Variants in CSMD3 observed in about 807,000 individuals in gnomAD.
CSMD3 encodes the protein CUB and sushi domain-containing protein 3.
A neutral mutation model predicts 435.2 loss-of-function variants in CSMD3; 177 were observed. The ratio of observed to expected loss-of-function variants is 0.41; its 90% CI spans 0.36 to 0.46. The LOEUF (loss-of-function observed/expected upper bound fraction) is 0.46. Among genes scored for constraint, CSMD3 ranks in the 20% least tolerant of loss-of-function variants. The pLI is 0.34. For missense variants in CSMD3, 4,265 were observed against 4,504.6 expected, an observed-to-expected ratio of 0.95 and a Z score of 1.52; for synonymous variants, 1,656 against 1,520.5, an observed-to-expected ratio of 1.09 and a Z score of -2.07.
At chr8:112,459,578 C>T (rs143357112) in intron 32 of CSMD3, among the ~76,000 whole-genome samples, 43 of 152,118 alleles carry the variant, frequency 2.8e-4, no homozygotes, top group Non-Finnish European at 5.4e-4. Context: ...CCCTTAAGTA[C>T]CAGGTGAATA....
intron 7 of CSMD3, among the ~76,000 whole-genome samples, chr8:112,974,052 A>G (rs899324850): frequency 3.9e-5 from 6 of 152,054 alleles, no homozygotes; most frequent in African/African-American, 1.4e-4. Context: ...GAAAGGTAAA[A>G]CAGGTATCAA....
intron 1 of CSMD3, among the ~76,000 whole-genome samples, chr8:113,346,977 T>C (rs1038245581): frequency 3.9e-5 from 6 of 152,192 alleles, no homozygotes; most frequent in East Asian, 3.9e-4. Context: ...ATGAAATTCA[T>C]CCAGAGTAAT....
chr8:112,864,578 G>C (rs774235769), intron 10 of CSMD3, among the ~76,000 whole-genome samples: 12 of 152,002 alleles, frequency 7.9e-5, no homozygotes, highest in Non-Finnish European at 1.2e-4. Flanking sequence ...AACAAAAATA[G>C]TTAGCAATTC....
At chr8:113,406,027 C>A (rs1347588238) in intron 1 of CSMD3, among the ~76,000 whole-genome samples, 2 of 151,680 alleles carry the variant, frequency 1.3e-5, no homozygotes, top group Non-Finnish European at 3.0e-5. Flanking sequence ...CCTGATAAAT[C>A]ATAAGGATAA....
chr8:112,720,166 T>C (rs2076826209), intron 13 of CSMD3, among the ~76,000 whole-genome samples: 1 of 152,164 alleles, frequency 6.6e-6, no homozygotes, highest in East Asian at 1.9e-4. Context: ...AAAGGTACAT[T>C]CATTTGGTAG....
At chr8:112,558,790 AC>A (rs1189767167) in intron 24 of CSMD3, among the ~76,000 whole-genome samples, 27 of 152,030 alleles carry the variant, frequency 1.8e-4, no homozygotes, top group Admixed American at 3.3e-4. Context: ...TAAAATTAAG[AC>A]AAAATATGTG....
At chr8:113,313,753 A>G (rs1588497500) in intron 2 of CSMD3, 1 of 152,196 alleles carries the variant, frequency 6.6e-6, no homozygotes, top group Middle Eastern at 3.2e-3. Flanking sequence ...ACTATTTTAA[A>G]TTACAAGTTT....
At chr8:113,410,900 T>TGAAAGAAAGGAAGAAA (rs1554633031) in intron 1 of CSMD3, among the ~76,000 whole-genome samples, 2 of 105,396 alleles carry the variant, frequency 1.9e-5, no homozygotes, top group African/African-American at 8.2e-5. Flanking sequence ...CAAAACCCTG[T>TGAAAGAAAGGAAGAAA]GAAAGAAAGA....
intron 38 of CSMD3, among the ~76,000 whole-genome samples, chr8:112,374,288 T>C (rs1828732329): frequency 6.6e-6 from 1 of 152,180 alleles, no homozygotes; most frequent in Non-Finnish European, 1.5e-5. Flanking sequence ...TATCTTTTTC[T>C]CATCTCTCTT....
At chr8:112,339,353 G>C (rs949724424) in intron 42 of CSMD3, among the ~76,000 whole-genome samples, 1 of 151,840 alleles carries the variant, frequency 6.6e-6, no homozygotes, top group South Asian at 2.1e-4. Flanking sequence ...GACTGATTGC[G>C]GGCTACCACT....
chr8:112,729,479 G>T (rs1200250299), intron 13 of CSMD3, among the ~76,000 whole-genome samples: 1 of 152,056 alleles, frequency 6.6e-6, no homozygotes, highest in African/African-American at 2.4e-5. Context: ...GTTAAAAAGT[G>T]AAACAAAGAT....
intron 8 of CSMD3, 39 bp downstream of exon 8, chr8:112,954,645 C>A (rs2083944904): frequency 7.7e-7 from 1 of 1,294,364 alleles, no homozygotes; most frequent in East Asian, 2.3e-5. Context: ...AAACTTCACT[C>A]TTGCACTAGA....
At chr8:112,884,866 T>C (rs759757813) in intron 10 of CSMD3, among the ~76,000 whole-genome samples, 12 of 151,756 alleles carry the variant, frequency 7.9e-5, no homozygotes, top group Non-Finnish European at 1.6e-4. Context: ...AAGAAAGAAA[T>C]AAAAATGTTG....
At chr8:112,696,710 C>A (rs945115315) in intron 13 of CSMD3, among the ~76,000 whole-genome samples, 13 of 151,884 alleles carry the variant, frequency 8.6e-5, no homozygotes, top group East Asian at 3.9e-4. Context: ...GCAACAAAAG[C>A]CAAAATTGAC....
At chr8:112,674,350 C>T (rs1049890284) in intron 16 of CSMD3, among the ~76,000 whole-genome samples, 2 of 152,042 alleles carry the variant, frequency 1.3e-5, no homozygotes, top group African/African-American at 4.8e-5. Flanking sequence ...CCTTGCAAAC[C>T]TTTGTCTGGT....
intron 5 of CSMD3, among the ~76,000 whole-genome samples, chr8:113,088,735 A>G (rs1361547459): frequency 6.8e-6 from 1 of 146,786 alleles, no homozygotes; most frequent in African/African-American, 2.5e-5. Context: ...GGGGAGGGAT[A>G]GCATTAGGAG....
At chr8:112,472,801 T>C (rs919484241) in intron 31 of CSMD3, 94 bp from the exon 32 acceptor site, 2 of 730,444 alleles carry the variant, frequency 2.7e-6, no homozygotes, top group Admixed American at 3.8e-5. Flanking sequence ...ATATGGCTAA[T>C]GGAATTTAAG....
At chr8:113,421,439 G>A (rs2129947985) in intron 1 of CSMD3, among the ~76,000 whole-genome samples, 1 of 152,194 alleles carries the variant, frequency 6.6e-6, no homozygotes, top group East Asian at 1.9e-4. Context: ...ACAATAGATA[G>A]GGCACAGATT....
chr8:112,250,588 T>C (rs1021100271), intron 63 of CSMD3, among the ~76,000 whole-genome samples: 6 of 151,566 alleles, frequency 4.0e-5, no homozygotes, highest in Non-Finnish European at 3.0e-5. Context: ...CCAACATGCA[T>C]AGTATAATTT....
Sources: gnomAD v4.1 joint callset for allele counts (sites outside exome capture counted in the v4.1 genomes callset) on GRCh38, gnomAD v4.1.1 for gene constraint, MANE v1.5 for transcripts, NCBI Gene and HGNC (gene_info 2026-07-23, HGNC 2026-07-21) for gene names.